NXPE2: variants seen among roughly 807,000 people sequenced by gnomAD.
NXPE2 encodes the protein neurexophilin and PC-esterase domain family member 2.
In NXPE2, 34 loss-of-function variants were observed where a neutral mutation model predicts 34.4. That is an observed-to-expected ratio of 0.99 (90% CI 0.75 to 1.31). The LOEUF is 1.31. Among genes scored for constraint, NXPE2 ranks in the 40% most tolerant of loss-of-function variants. NXPE2 has a pLI of 0.00. For missense variants in NXPE2, 649 were observed against 672.5 expected (o/e 0.97, Z 0.39); for synonymous variants, 235 against 231.3 (o/e 1.02, Z -0.15).
At chr11:114,600,560 A>C in the NXPE2 span, among the ~76,000 whole-genome samples, 1 of 152,092 alleles carries the variant, frequency 6.6e-6, no homozygotes, top group South Asian at 2.1e-4. Context: ...CGTTCTACAA[A>C]ATAATATTTT....
the NXPE2 span, among the ~76,000 whole-genome samples, chr11:114,548,011 A>G: frequency 6.6e-6 from 1 of 152,182 alleles, no homozygotes; most frequent in Non-Finnish European, 1.5e-5. Context: ...CAGAGATTGA[A>G]CAATTAAATA....
the NXPE2 span, among the ~76,000 whole-genome samples, chr11:114,795,781 C>T: frequency 6.6e-6 from 1 of 152,214 alleles, no homozygotes; most frequent in Non-Finnish European, 1.5e-5. Context: ...TGAAAGACTG[C>T]AATGATAGCA....
At chr11:114,484,882 A>C in the NXPE2 span, among the ~76,000 whole-genome samples, 1 of 152,228 alleles carries the variant, frequency 6.6e-6, no homozygotes, top group East Asian at 1.9e-4. Flanking sequence ...TCCAAGACAT[A>C]GTCACTGTTA....
At chr11:114,557,127 C>T in the NXPE2 span, among the ~76,000 whole-genome samples, 1 of 152,164 alleles carries the variant, frequency 6.6e-6, no homozygotes, top group African/African-American at 2.4e-5. Context: ...TTCCTGACCT[C>T]AAGTAATCTG....
the NXPE2 span, among the ~76,000 whole-genome samples, chr11:114,593,541 T>A: frequency 6.6e-6 from 1 of 152,150 alleles, no homozygotes; most frequent in East Asian, 1.9e-4. Context: ...CTAGTGAGGA[T>A]GTGGAGAAAA....
chr11:114,637,541 A>G, the NXPE2 span, among the ~76,000 whole-genome samples: 3 of 150,570 alleles, frequency 2.0e-5, no homozygotes, highest in Admixed American at 6.7e-5. Context: ...GTTAGTTGAT[A>G]CAGTTTCTTC....
chr11:114,706,397 C>A lies in NXPE2; in HGVS notation c.1147C>A (p.Leu383Ile). The change falls in exon 6 of 6, where the codon CTA (leucine) becomes ATA (isoleucine). Residue 383 changes from leucine (L) to isoleucine (I), a missense_variant and splice_region_variant. Leu to Ile is a conservative substitution (Grantham distance 5). Transcript: ENST00000389586. ...IYYLQKAVKT[L>I]KYFDHHGAGI... ...TTTATTGATTTGTCTTTCATCAGCC[C>A]TAAAATATTTTGATCATCATGGAGC... 3 of 1,527,274 alleles carry A rather than the reference C, an allele frequency of 2.0e-6. No homozygotes were observed. Among genetic ancestry groups the A allele is most frequent in the Non-Finnish European group, 2.6e-6 (3 of 1,136,620 alleles). 94.6% of individuals were successfully genotyped at this position (1,527,274 alleles called of 1,614,324 possible).
At chr11:114,714,802 T>A in the NXPE2 span, among the ~76,000 whole-genome samples, 1 of 152,226 alleles carries the variant, frequency 6.6e-6, no homozygotes, top group South Asian at 2.1e-4. Context: ...GGCAGGTGGA[T>A]CATGAGGTCA....
the NXPE2 span, among the ~76,000 whole-genome samples, chr11:114,598,720 A>G: frequency 6.6e-6 from 1 of 151,814 alleles, no homozygotes; most frequent in African/African-American, 2.4e-5. Flanking sequence ...CAGTGTTTTG[A>G]GGCTGTGCAG....
chr11:114,739,716 T>G, the NXPE2 span, among the ~76,000 whole-genome samples: 1 of 152,102 alleles, frequency 6.6e-6, no homozygotes, highest in African/African-American at 2.4e-5. Context: ...TTTGTACCCT[T>G]TGACCAGCAT....
intron 2 of NXPE2, among the ~76,000 whole-genome samples, chr11:114,690,377 A>G (rs993233473): frequency 6.6e-6 from 1 of 152,162 alleles, no homozygotes. Flanking sequence ...GAGATATGAA[A>G]TTCTTGGCTA....
At chr11:114,624,740 G>A in the NXPE2 span, among the ~76,000 whole-genome samples, 5 of 152,124 alleles carry the variant, frequency 3.3e-5, no homozygotes, top group Admixed American at 6.5e-5. Context: ...TTGCCTCCAG[G>A]GTAACCACTG....
the NXPE2 span, among the ~76,000 whole-genome samples, chr11:114,493,402 G>A: frequency 3.9e-5 from 6 of 152,006 alleles, no homozygotes; most frequent in African/African-American, 7.2e-5. Flanking sequence ...CTTCTTTCCC[G>A]TCTTCATGTC....
chr11:114,523,817 C>G, the NXPE2 span, among the ~76,000 whole-genome samples: 5 of 152,346 alleles, frequency 3.3e-5, no homozygotes, highest in African/African-American at 1.2e-4. Flanking sequence ...GCCATCCCAT[C>G]ACTGAGCCAA....
the NXPE2 span, among the ~76,000 whole-genome samples, chr11:114,485,211 G>A: frequency 0.01 from 1,544 of 151,528 alleles, 35 homozygotes; most frequent in African/African-American, 0.036. Context: ...TATATTTCTA[G>A]TTATTTTTAT....
At chr11:114,483,678 G>A in the NXPE2 span, among the ~76,000 whole-genome samples, 3,608 of 152,288 alleles carry the variant, frequency 0.024, 79 homozygotes, top group South Asian at 0.069. Context: ...TCCCATCCCA[G>A]GCAATAGTCT....
At chr11:114,807,134 C>G in the NXPE2 span, among the ~76,000 whole-genome samples, 1 of 150,042 alleles carries the variant, frequency 6.7e-6, no homozygotes, top group African/African-American at 2.5e-5. Context: ...TACAGACAAG[C>G]AAATGCTGAG....
intron 2 of NXPE2, among the ~76,000 whole-genome samples, chr11:114,682,312 A>T (rs1017112477): frequency 3.3e-5 from 5 of 152,174 alleles, no homozygotes; most frequent in African/African-American, 1.2e-4. Flanking sequence ...ATTAATGATT[A>T]ATTTATAAAG....
At chr11:114,673,121 C>T in the NXPE2 span, among the ~76,000 whole-genome samples, 1,389 of 148,358 alleles carry the variant, frequency 9.4e-3, 18 homozygotes, top group African/African-American at 0.032. Flanking sequence ...TGAAATCATG[C>T]GAAGTATGCT....
Sources: gnomAD v4.1 joint callset for allele counts (sites outside exome capture counted in the v4.1 genomes callset) on GRCh38, gnomAD v4.1.1 for gene constraint, MANE v1.5 for transcripts, NCBI Gene and HGNC (gene_info 2026-07-23, HGNC 2026-07-21) for gene names.